Variants in GAS2 observed in about 807,000 individuals in gnomAD.
GAS2 encodes the protein growth arrest-specific protein 2.
GAS2 carries 20 observed loss-of-function variants against 37.5 expected under a neutral mutation model. That is an observed-to-expected ratio of 0.53 (90% confidence interval 0.37 to 0.77). GAS2 has a LOEUF of 0.77. Ranked by LOEUF, GAS2 falls within the 30% of genes least tolerant of loss-of-function variation. The pLI, the probability that GAS2 is intolerant of heterozygous loss-of-function variation, is 0.00. For synonymous variants in GAS2, 144 were observed against 132.2 expected, an observed-to-expected ratio of 1.09 and a Z score of -0.61; for missense variants, 336 against 373.4, an observed-to-expected ratio of 0.90 and a Z score of 0.82.
chr11:22,776,064 G>A (rs1000122075), intron 7 of GAS2, among the ~76,000 whole-genome samples: 5 of 152,272 alleles, frequency 3.3e-5, no homozygotes, highest in East Asian at 1.9e-4. Context: ...TTGGGTACGC[G>A]TTAACACAAT....
intron 3 of GAS2, among the ~76,000 whole-genome samples, chr11:22,704,779 A>C (rs1565098444): frequency 6.6e-6 from 1 of 151,728 alleles, no homozygotes; most frequent in African/African-American, 2.4e-5. Flanking sequence ...GCAGATTAAC[A>C]CAGGAGAGAT....
intron 7 of GAS2, among the ~76,000 whole-genome samples, chr11:22,761,598 A>C (rs1307406503): frequency 2.0e-5 from 3 of 152,172 alleles, no homozygotes; most frequent in Admixed American, 6.5e-5. Flanking sequence ...ATGTTCAAAA[A>C]TATTATTTGT....
At chr11:22,727,768 A>G (rs116283635) in intron 4 of GAS2, among the ~76,000 whole-genome samples, 1,595 of 152,110 alleles carry the variant, frequency 0.01, 34 homozygotes, top group African/African-American at 0.037. Context: ...ATGTGTGCGT[A>G]CATAGATAAT....
chr11:22,663,215 C>T (rs1461162241), upstream of GAS2, among the ~76,000 whole-genome samples: 1 of 151,980 alleles, frequency 6.6e-6, no homozygotes, highest in African/African-American at 2.4e-5. Context: ...AGTCACCTCC[C>T]ACCAGGTCCC....
intron 4 of GAS2, among the ~76,000 whole-genome samples, chr11:22,733,068 T>C (rs1376579567): frequency 1.3e-5 from 2 of 151,612 alleles, no homozygotes; most frequent in Non-Finnish European, 3.0e-5. Context: ...ATGCCTATAC[T>C]GCTGGTCTCT....
rs536252863 is a variant in GAS2 at position 22,713,108 on chromosome 11, A to C, written c.268-13184A>C. Among the ~76,000 whole-genome samples the C allele has an allele frequency of 5.3e-5, 8 of 151,362 alleles. No homozygotes were observed. In the East Asian group the frequency reaches 1.5e-3, roughly 29 times the overall value. ...AAAGAAAAGAAAGGAAAAAAGAAATACAAAAAACATATAGGATACAGATGA... is the reference window on the plus strand; with the variant it reads ...AAAGAAAAGAAAGGAAAAAAGAAATCCAAAAAACATATAGGATACAGATGA... On this transcript the variant is annotated intron_variant, in intron 3 of 7. Transcript: ENST00000454584.
chr11:22,747,898 A>G (rs968075492), intron 5 of GAS2, among the ~76,000 whole-genome samples: 6 of 152,306 alleles, frequency 3.9e-5, no homozygotes, highest in African/African-American at 1.4e-4. Context: ...CATCAAGAAT[A>G]GGGAAATCGC....
At chr11:22,758,625 A>G (rs770504938) in intron 7 of GAS2, among the ~76,000 whole-genome samples, 7 of 152,194 alleles carry the variant, frequency 4.6e-5, no homozygotes, top group Non-Finnish European at 8.8e-5. Flanking sequence ...TTAGGAAGTC[A>G]TAGATACGCC....
chr11:22,776,073 A>G (rs2134454859), intron 7 of GAS2, among the ~76,000 whole-genome samples: 1 of 152,262 alleles, frequency 6.6e-6, no homozygotes, highest in South Asian at 2.1e-4. Flanking sequence ...CGTTAACACA[A>G]TTTATTTACC....
chr11:22,639,980 C>T lies in GAS2; in HGVS notation c.-21+14167C>T, dbSNP rs1482796900. On this transcript the variant is annotated intron_variant, in intron 1 of 5. Coordinates refer to the GAS2 transcript ENST00000528582. Reference sequence around the variant, plus strand: ...TGTGGTCTTCTTTAGATATTCATTACCACCTGGACATCTATACACTAGCTA... The same window carrying T: ...TGTGGTCTTCTTTAGATATTCATTATCACCTGGACATCTATACACTAGCTA... Among the ~76,000 whole-genome samples the T allele has an allele frequency of 2.0e-5, 3 of 152,086 alleles. No individual in the cohort carries two copies. The East Asian group carries it at 5.8e-4, about 29-fold the overall frequency.
At chr11:22,663,886 G>T (rs543704281), upstream of GAS2, among the ~76,000 whole-genome samples, 1 of 152,136 alleles carries the variant, frequency 6.6e-6, no homozygotes, top group African/African-American at 2.4e-5. Context: ...TCAATTGAAG[G>T]CCTTATATTA....
chr11:22,646,298 A>C (rs1848689889), intron 1 of GAS2, among the ~76,000 whole-genome samples: 1 of 152,204 alleles, frequency 6.6e-6, no homozygotes, highest in African/African-American at 2.4e-5. Context: ...TATAGTTAAA[A>C]AAAGGAGGTT....
At chr11:22,674,325 T>A (rs1366528833) in intron 1 of GAS2, among the ~76,000 whole-genome samples, 1 of 152,132 alleles carries the variant, frequency 6.6e-6, no homozygotes, top group African/African-American at 2.4e-5. Context: ...TTCTCTAAAT[T>A]GTGAGTCCAT....
chr11:22,715,708 A>T (rs980650302), intron 3 of GAS2, among the ~76,000 whole-genome samples: 1 of 151,910 alleles, frequency 6.6e-6, no homozygotes, highest in African/African-American at 2.4e-5. Flanking sequence ...AGTAATTTTT[A>T]AAAATGCCAA....
At chr11:22,659,045 G>A (rs1279833354) in intron 1 of GAS2, among the ~76,000 whole-genome samples, 1 of 152,174 alleles carries the variant, frequency 6.6e-6, no homozygotes, top group Non-Finnish European at 1.5e-5. Context: ...GCATATGGTT[G>A]CTAAATTGAC....
At chr11:22,635,138 G>A (rs568427002) in intron 1 of GAS2, among the ~76,000 whole-genome samples, 1 of 152,300 alleles carries the variant, frequency 6.6e-6, no homozygotes, top group Non-Finnish European at 1.5e-5. Flanking sequence ...GTACTCTGGT[G>A]TCTCAGGCAA....
At chr11:22,690,283 A>G (rs1850177304) in intron 3 of GAS2, among the ~76,000 whole-genome samples, 1 of 152,220 alleles carries the variant, frequency 6.6e-6, no homozygotes, top group Non-Finnish European at 1.5e-5. Flanking sequence ...TAATATTTAG[A>G]TATAAATCCA....
At chr11:22,774,214 G>A (rs1378078960) in intron 7 of GAS2, among the ~76,000 whole-genome samples, 2 of 152,058 alleles carry the variant, frequency 1.3e-5, no homozygotes, top group Non-Finnish European at 2.9e-5. Flanking sequence ...GGCTGGTCTC[G>A]AACTCCTGAC....
intron 1 of GAS2, among the ~76,000 whole-genome samples, chr11:22,671,852 A>T (rs918923742): frequency 2.0e-5 from 3 of 152,112 alleles, no homozygotes; most frequent in African/African-American, 7.2e-5. Flanking sequence ...CCATACTCCA[A>T]ATTTTGATCA....
Sources: allele counts gnomAD v4.1 joint callset (sites outside exome capture counted in the v4.1 genomes callset), GRCh38; gene constraint gnomAD v4.1.1; transcripts MANE v1.5; gene names NCBI Gene and HGNC (gene_info 2026-07-23, HGNC 2026-07-21).